Variants in B3GALT1 observed in about 807,000 individuals in gnomAD.
The protein encoded by B3GALT1 is UDP-Gal:betaGlcNAc beta 1,3-galactosyltransferase, polypeptide 1.
B3GALT1 carries 10 observed loss-of-function variants against 23.2 expected under a neutral mutation model. The observed-to-expected ratio is 0.43, with a 90% confidence interval of 0.27 to 0.73. The LOEUF (loss-of-function observed/expected upper bound fraction) is 0.73. Ranked by LOEUF, B3GALT1 falls within the 30% of genes least tolerant of loss-of-function variation. The pLI is 0.21. For missense variants in B3GALT1, 299 were observed against 405.4 expected, an observed-to-expected ratio of 0.74 and a Z score of 2.25; for synonymous variants, 156 against 141.5, an observed-to-expected ratio of 1.10 and a Z score of -0.73.
intron 2 of B3GALT1, among the ~76,000 whole-genome samples, chr2:167,597,351 A>G (rs1367765301): frequency 1.3e-5 from 2 of 151,838 alleles, no homozygotes; most frequent in South Asian, 2.1e-4. Flanking sequence ...TCCTGACCTC[A>G]TGATCTGCCC....
intron 1 of B3GALT1, among the ~76,000 whole-genome samples, chr2:167,389,909 C>CAAAAAA (rs141871874): frequency 1.3e-4 from 15 of 112,584 alleles, no homozygotes; most frequent in East Asian, 2.7e-4. Flanking sequence ...ATACCCTGTC[C>CAAAAAA]AAAAAAAAAA....
At chr2:167,675,638 T>A (rs1361191299) in intron 3 of B3GALT1, among the ~76,000 whole-genome samples, 4 of 152,140 alleles carry the variant, frequency 2.6e-5, no homozygotes, top group Admixed American at 2.6e-4. Flanking sequence ...TCCAAAACAG[T>A]GAACAACTCC....
intron 4 of B3GALT1, among the ~76,000 whole-genome samples, chr2:167,834,873 G>C (rs1049546253): frequency 5.9e-5 from 9 of 152,190 alleles, no homozygotes; most frequent in Non-Finnish European, 7.4e-5. Flanking sequence ...TTCTAAACTA[G>C]TTACACTCAT....
At chr2:167,761,663 C>T (rs1471521300) in intron 3 of B3GALT1, among the ~76,000 whole-genome samples, 1 of 152,202 alleles carries the variant, frequency 6.6e-6, no homozygotes, top group African/African-American at 2.4e-5. Context: ...GAAACCCTTA[C>T]TATTTCTTTA....
At chr2:167,403,349 A>G (rs1698224309) in intron 1 of B3GALT1, among the ~76,000 whole-genome samples, 1 of 151,992 alleles carries the variant, frequency 6.6e-6, no homozygotes, top group Admixed American at 6.6e-5. Context: ...AAAGGACATG[A>G]ACTTATCCCT....
chr2:167,625,883 G>T (rs1685332051), intron 2 of B3GALT1, among the ~76,000 whole-genome samples: 1 of 141,530 alleles, frequency 7.1e-6, no homozygotes, highest in Admixed American at 7.3e-5. Flanking sequence ...CTTTCTACTT[G>T]AAGCTAGGTC....
At chr2:167,685,680 G>C (rs1042476627) in intron 3 of B3GALT1, among the ~76,000 whole-genome samples, 2 of 152,154 alleles carry the variant, frequency 1.3e-5, no homozygotes, top group Admixed American at 6.5e-5. Context: ...GCAGGGGCCA[G>C]GTCTTATAAG....
In B3GALT1 at chr2:167,872,713, A is replaced by T. The variant is rs1043504394; in HGVS notation, c.*2693A>T. On this transcript the variant is annotated 3_prime_UTR_variant, in exon 5 of 5. Coordinates refer to ENST00000392690, the MANE Select transcript of B3GALT1 (RefSeq NM_020981.4). ...ACATTATGATACAGCCCTGATCTTT[A>T]AAAGGAGCAAAAATCAGAGAATCGT... The T allele has an allele frequency of 6.6e-6, 1 of 152,216 alleles. No homozygotes were observed. The highest frequency in any genetic ancestry group is 6.5e-5 in the Admixed American group (1 of 15,284). The allele number at this position is 152,216 out of a possible 1,614,324, so 9.4% of individuals were successfully genotyped here.
At chr2:167,399,890 T>C (rs1698159835) in intron 1 of B3GALT1, among the ~76,000 whole-genome samples, 1 of 152,114 alleles carries the variant, frequency 6.6e-6, no homozygotes, top group Non-Finnish European at 1.5e-5. Flanking sequence ...GAAGGAGGAA[T>C]TAAAGACTAA....
chr2:167,807,523 C>T (rs1343593375), intron 3 of B3GALT1, among the ~76,000 whole-genome samples: 1 of 151,640 alleles, frequency 6.6e-6, no homozygotes, highest in Admixed American at 6.6e-5. Context: ...TGTCTTTGTT[C>T]TCGTTGGTTT....
At chr2:167,714,561 G>A in intron 3 of B3GALT1, 1 of 1,613,342 alleles carries the variant, frequency 6.2e-7, no homozygotes, top group East Asian at 2.2e-5. Context: ...AGTGCATTAG[G>A]ATCTTTTTCT....
chr2:167,494,171 A>C (rs530756398), intron 2 of B3GALT1, among the ~76,000 whole-genome samples: 1 of 152,270 alleles, frequency 6.6e-6, no homozygotes, highest in South Asian at 2.1e-4. Context: ...GACTAGCAAA[A>C]AATTGTGTCT....
At position 167,750,184 on chromosome 2, in the gene B3GALT1, A is replaced by G. The variant is rs140097495; in HGVS notation, c.-351-68488A>G. Among the ~76,000 whole-genome samples the G allele has an allele frequency of 6.7e-3, 1,020 of 152,286 alleles. 7 individuals are homozygous for G. Among genetic ancestry groups the G allele is most frequent in the Non-Finnish European group, 0.011 (754 of 68,000 alleles). ...GCTAAGAAAAGTTTTTGTCTTGTCT[A>G]TTTGCAAGCCTGAGTGATGTAGATA... On this transcript the variant is annotated intron_variant, in intron 3 of 4. Coordinates refer to ENST00000392690, the MANE Select transcript of B3GALT1 (RefSeq NM_020981.4).
intron 2 of B3GALT1, among the ~76,000 whole-genome samples, chr2:167,635,150 C>T (rs1472620021): frequency 1.3e-5 from 2 of 151,944 alleles, no homozygotes; most frequent in Non-Finnish European, 2.9e-5. Flanking sequence ...AATTCAACAC[C>T]CCCTTTATGC....
intron 3 of B3GALT1, among the ~76,000 whole-genome samples, chr2:167,649,235 C>G (rs1056739445): frequency 3.9e-5 from 6 of 152,012 alleles, no homozygotes; most frequent in Admixed American, 3.3e-4. Context: ...CATTTGCATT[C>G]ACTCTAATTC....
chr2:167,730,626 T>C (rs1387259776), intron 3 of B3GALT1, among the ~76,000 whole-genome samples: 1 of 152,216 alleles, frequency 6.6e-6, no homozygotes, highest in African/African-American at 2.4e-5. Context: ...GTGTCCTTTA[T>C]ACCACTCAGA....
chr2:167,473,819 G>A (rs1180276952), intron 1 of B3GALT1, among the ~76,000 whole-genome samples: 3 of 152,150 alleles, frequency 2.0e-5, no homozygotes, highest in Non-Finnish European at 2.9e-5. Flanking sequence ...TTTAAAAAGT[G>A]TAGCTCTTCT....
chr2:167,294,501 C>T (rs531809642), intron 1 of B3GALT1, among the ~76,000 whole-genome samples: 1 of 152,364 alleles, frequency 6.6e-6, no homozygotes, highest in South Asian at 2.1e-4. Flanking sequence ...ATCCGAATCT[C>T]CGTAGTTCAG....
intron 3 of B3GALT1, among the ~76,000 whole-genome samples, chr2:167,723,040 A>C (rs1687258125): frequency 6.6e-6 from 1 of 152,244 alleles, no homozygotes; most frequent in African/African-American, 2.4e-5. Context: ...ATAGTCTCAA[A>C]GTTTTCTGTA....
Sources: gnomAD v4.1 joint callset for allele counts (sites outside exome capture counted in the v4.1 genomes callset) on GRCh38, gnomAD v4.1.1 for gene constraint, MANE v1.5 for transcripts, NCBI Gene and HGNC (gene_info 2026-07-23, HGNC 2026-07-21) for gene names.